The following NXN variants were observed in gnomAD, a reference collection of about 807,000 sequenced individuals.
NXN encodes nucleoredoxin 1.
NXN carries 16 observed loss-of-function variants against 48.6 expected under a neutral mutation model. The observed-to-expected ratio is 0.33, with a 90% CI of 0.22 to 0.50. NXN has a LOEUF of 0.50. Among genes scored for constraint, NXN ranks in the 20% least tolerant of loss-of-function variants. The pLI, the probability that NXN is intolerant of heterozygous loss-of-function variation, is 0.98. For missense variants in NXN, 492 were observed against 605.5 expected (o/e 0.81, Z 1.97); for synonymous variants, 281 against 269.6 (o/e 1.04, Z -0.41).
At chr17:973,000 C>T (rs1339054697) in intron 1 of NXN, among the ~76,000 whole-genome samples, 1 of 150,760 alleles carries the variant, frequency 6.6e-6, no homozygotes, top group African/African-American at 2.4e-5. Flanking sequence ...CACTGCACTC[C>T]AGCCTGGGCG....
rs971435759 is a variant in NXN, at chr17:853,719, A to T, written c.361-27641T>A. Among the ~76,000 whole-genome samples, 452 of 101,804 alleles carry T rather than the reference A, an allele frequency of 4.4e-3. 4 individuals are homozygous for T. The highest frequency in any genetic ancestry group is 6.8e-3 in the East Asian group (29 of 4,280). 66.8% of individuals were successfully genotyped at this position (101,804 alleles called of 152,430 possible). A position where few individuals can be genotyped will look rare whatever the true frequency, so the allele number is the denominator to read the frequency against. On this transcript the variant is annotated intron_variant, in intron 1 of 7. Transcript: ENST00000336868. ...GTTATACACATATATATATATATAT[A>T]TATATTTTTTTTTTTTTTTCCAAGA...
intron 1 of NXN, among the ~76,000 whole-genome samples, chr17:911,367 T>C (rs1022723458): frequency 1.5e-5 from 2 of 129,056 alleles, no homozygotes; most frequent in African/African-American, 6.0e-5. Flanking sequence ...TGAGACGGAG[T>C]CTCGCTCTGT....
At chr17:805,346 G>C (rs1370762171) in intron 5 of NXN, 99 bp from the exon 6 acceptor site, 9 of 1,309,550 alleles carry the variant, frequency 6.9e-6, no homozygotes, top group East Asian at 2.5e-5. Context: ...CCCGACCGTG[G>C]TGGAGCCCAC....
Position 819,542 on chromosome 17 carries a change from C to T in NXN, c.717G>A (p.Ser239=), listed in dbSNP as rs532150840. The change falls in exon 5 of 8, where the codon TCG becomes TCA. Residue 239 remains serine (S), a synonymous_variant. Transcript: ENST00000336868. ...TGAAGTACTGTTTGAAGGACTCCTC[C>T]GACCTACAGAGAGACACACGTGGCG... ...FEIIFVSADR[S]EESFKQYFSE... The T allele has an allele frequency of 7.2e-5, 114 of 1,593,242 alleles. 1 individual carries two copies. In the South Asian group the frequency reaches 1.1e-3, roughly 15 times the overall value.
chr17:929,335 T>C (rs2068831147), intron 1 of NXN, among the ~76,000 whole-genome samples: 1 of 152,230 alleles, frequency 6.6e-6, no homozygotes, highest in African/African-American at 2.4e-5. Flanking sequence ...TGGTTCACGT[T>C]ATTAAATATG....
rs952568587 is a variant in NXN, at chr17:978,128, A to G, written c.360+1191T>C. Among the ~76,000 whole-genome samples the G allele has an allele frequency of 1.3e-5, 2 of 152,198 alleles. No homozygotes were observed. Among genetic ancestry groups the G allele is most frequent in the African/African-American group, 4.8e-5 (2 of 41,458 alleles). ...AACAAGATTCTGCACATATAAAAGG[A>G]ACACGTGGCACGCCTCGCCATGCTC... On this transcript the variant is annotated intron_variant, in intron 1 of 7. Transcript: ENST00000336868. The surrounding 1 kb of genome is among the most constrained non-coding windows in gnomAD (Gnocchi z 4.1).
chr17:959,185 C>T (rs926268723), intron 1 of NXN: 8 of 984,090 alleles, frequency 8.1e-6, no homozygotes, highest in African/African-American at 1.7e-5. Context: ...TTCCCCGCCA[C>T]GTACCAGTTC....
At chr17:896,898 T>C in intron 1 of NXN, 1 of 1,052,038 alleles carries the variant, frequency 9.5e-7, no homozygotes, top group Non-Finnish European at 1.3e-6. Context: ...TATTTCTCAG[T>C]TCCTGCATAT....
chr17:842,413 G>A, intron 1 of NXN: 1 of 610,262 alleles, frequency 1.6e-6, no homozygotes. Flanking sequence ...ACATGGCCGG[G>A]AGCCCGGGTC....
intron 5 of NXN, among the ~76,000 whole-genome samples, chr17:809,992 G>A (rs1264892342): frequency 6.6e-6 from 1 of 150,734 alleles, no homozygotes; most frequent in African/African-American, 2.4e-5. Flanking sequence ...TGTGAGTGGC[G>A]TGTACGTTAC....
At chr17:889,757 A>G (rs62068445) in intron 1 of NXN, among the ~76,000 whole-genome samples, 12 of 13,764 alleles carry the variant, frequency 8.7e-4, no homozygotes, top group African/African-American at 4.4e-3. Flanking sequence ...GAAAGAAAGA[A>G]AGAAAAAGAA....
intron 1 of NXN, among the ~76,000 whole-genome samples, chr17:847,546 C>T (rs1035372015): frequency 6.6e-6 from 1 of 152,162 alleles, no homozygotes; most frequent in Admixed American, 6.5e-5. Flanking sequence ...GGCGTGTCCA[C>T]AGCTCTGCAA....
Position 920,604 on chromosome 17 carries a change from G to A in NXN, c.360+58715C>T, listed in dbSNP as rs1567863170. ...ATCCGTATGCCCTAGCCCAGGGTGG[G>A]TCTCATCAACTGTACCCTCACTGGC... On this transcript the variant is annotated intron_variant, in intron 1 of 7. Transcript: ENST00000336868. This position sits in a 1 kb window ranked among gnomAD's most constrained non-coding sequence, Gnocchi z 4.6. Among the ~76,000 whole-genome samples, 1 of 152,052 alleles carries A rather than the reference G, an allele frequency of 6.6e-6. No individual in the cohort carries two copies. The highest frequency in any genetic ancestry group is 2.1e-4 in the South Asian group (1 of 4,816).
At chr17:874,864 T>A (rs1256486068) in intron 1 of NXN, among the ~76,000 whole-genome samples, 2 of 152,136 alleles carry the variant, frequency 1.3e-5, no homozygotes, top group Non-Finnish European at 2.9e-5. Context: ...AAAACCAGAA[T>A]CTGTTACAGG....
intron 1 of NXN, among the ~76,000 whole-genome samples, chr17:845,444 T>C (rs2067849877): frequency 6.6e-6 from 1 of 151,776 alleles, no homozygotes; most frequent in African/African-American, 2.4e-5. Context: ...TCATCACCTT[T>C]AGGGACTCAA....
chr17:905,609 T>C lies in NXN; in HGVS notation c.360+73710A>G, dbSNP rs185273656. 3.0e-4 allele frequency among the ~76,000 whole-genome samples: 46 copies of C among 152,288 alleles called. 1 individual carries two copies. The highest frequency in any genetic ancestry group is 8.7e-4 in the African/African-American group (36 of 41,566). Reference sequence around the variant, plus strand: ...GCTATTGCAAACCACAGAAAATAGTTCTAGGCCAGTGCCGTTCAATAGAAA... The same window carrying C: ...GCTATTGCAAACCACAGAAAATAGTCCTAGGCCAGTGCCGTTCAATAGAAA... On this transcript the variant is annotated intron_variant, in intron 1 of 7. Coordinates refer to ENST00000336868, the MANE Select transcript of NXN (RefSeq NM_022463.5).
At position 825,809 on chromosome 17, in the gene NXN, G is replaced by C. The variant is rs1222648802; in HGVS notation, c.478+152C>G. On this transcript the variant is annotated intron_variant, in intron 2 of 7. Coordinates refer to ENST00000336868, the MANE Select transcript of NXN (RefSeq NM_022463.5). This position sits in a 1 kb window ranked among gnomAD's most constrained non-coding sequence, Gnocchi z 4.1. ...AAAACCATGTCCTAGGGAATACTAT[G>C]ATTTCACCAAGACGACATTCTCTAC... 1 of 613,476 alleles carries C rather than the reference G, an allele frequency of 1.6e-6. No homozygotes were observed. Among genetic ancestry groups the C allele is most frequent in the African/African-American group, 1.9e-5 (1 of 53,690 alleles). 38.0% of individuals were successfully genotyped at this position (613,476 alleles called of 1,614,324 possible).
intron 1 of NXN, among the ~76,000 whole-genome samples, chr17:848,677 C>T (rs1340373243): frequency 6.6e-6 from 1 of 152,208 alleles, no homozygotes; most frequent in African/African-American, 2.4e-5. Flanking sequence ...GGCCACCACA[C>T]GATTGGTTCC....
chr17:879,298 T>G (rs2068257412), intron 1 of NXN, among the ~76,000 whole-genome samples: 2 of 150,830 alleles, frequency 1.3e-5, no homozygotes, highest in Admixed American at 6.6e-5. Flanking sequence ...GTTTTTTGTT[T>G]TTTTTTTTTG....
Sources: allele counts gnomAD v4.1 joint callset (sites outside exome capture counted in the v4.1 genomes callset), GRCh38; gene constraint gnomAD v4.1.1; non-coding constraint Gnocchi (gnomAD v3.1); transcripts MANE v1.5; gene names NCBI Gene and HGNC (gene_info 2026-07-23, HGNC 2026-07-21).